EPHA3: variants seen among roughly 807,000 people sequenced by gnomAD.
EPHA3 encodes ephrin type-A receptor 3.
EPHA3 carries 42 observed loss-of-function variants against 107.1 expected under a neutral mutation model. The observed-to-expected ratio is 0.39, with a 90% confidence interval of 0.31 to 0.51. The LOEUF (loss-of-function observed/expected upper bound fraction) is 0.51, where lower values mean the gene tolerates loss of function less well. Among genes scored for constraint, EPHA3 ranks in the 20% least tolerant of loss-of-function variants. The pLI is 0.78. For synonymous variants in EPHA3, 461 were observed against 424.8 expected, an observed-to-expected ratio of 1.09 and a Z score of -1.05; for missense variants, 1,183 against 1,211.2, an observed-to-expected ratio of 0.98 and a Z score of 0.35.
intron 3 of EPHA3, among the ~76,000 whole-genome samples, chr3:89,235,185 G>A (rs1186608010): frequency 1.3e-5 from 2 of 151,830 alleles, no homozygotes; most frequent in East Asian, 3.9e-4. Flanking sequence ...ACGTCCCAAA[G>A]TGCTGGGATT....
chr3:89,116,386 C>T (rs905094550), intron 1 of EPHA3, among the ~76,000 whole-genome samples: 5 of 152,078 alleles, frequency 3.3e-5, no homozygotes, highest in Admixed American at 2.0e-4. Context: ...ACTTTAGTCT[C>T]TGTGGAAATT....
intron 15 of EPHA3, among the ~76,000 whole-genome samples, chr3:89,471,648 G>A (rs1559708289): frequency 1.3e-5 from 2 of 152,150 alleles, no homozygotes; most frequent in African/African-American, 2.4e-5. Context: ...ACAGGAGTGA[G>A]CCACTGCGCC....
chr3:89,274,934 G>C (rs1463646253), intron 3 of EPHA3, among the ~76,000 whole-genome samples: 2 of 151,950 alleles, frequency 1.3e-5, no homozygotes, highest in Non-Finnish European at 2.9e-5. Flanking sequence ...CATTTCACTA[G>C]CATGACAGAT....
intron 1 of EPHA3, among the ~76,000 whole-genome samples, chr3:89,125,020 A>G (rs1354555268): frequency 1.3e-5 from 2 of 151,908 alleles, no homozygotes; most frequent in Non-Finnish European, 3.0e-5. Flanking sequence ...ATGGTAGTTC[A>G]TTAGTTGACA....
chr3:89,438,465 G>A (rs894896584), intron 13 of EPHA3, among the ~76,000 whole-genome samples: 2 of 152,006 alleles, frequency 1.3e-5, no homozygotes, highest in African/African-American at 4.8e-5. Context: ...TAAGCAAGTG[G>A]TTAAAAGCTA....
chr3:89,401,392 G>A (rs1458988465), intron 7 of EPHA3, among the ~76,000 whole-genome samples: 4 of 152,088 alleles, frequency 2.6e-5, no homozygotes, highest in Non-Finnish European at 5.9e-5. Context: ...AATGTGTATG[G>A]AGAAATCACC....
chr3:89,383,738 T>TTG, intron 5 of EPHA3, among the ~76,000 whole-genome samples: 1 of 129,174 alleles, frequency 7.7e-6, no homozygotes, highest in Non-Finnish European at 1.6e-5. Context: ...AAGCTCCACC[T>TTG]CCCGGGTTCA....
Position 89,210,124 on chromosome 3 carries a change from TTTACAAAGA to T in EPHA3, c.421_429del (p.Thr141_Ile143del). 6.2e-7 allele frequency: 1 copy of T among 1,613,968 alleles called. No homozygotes were observed. On this transcript the variant is annotated inframe_deletion, in exon 3 of 17. Coordinates refer to ENST00000336596, the MANE Select transcript of EPHA3 (RefSeq NM_005233.6). Reference sequence around the variant, plus strand: ...TGGGGTGAAATTTCGAGAGCATCAGTTTACAAAGATTGACACCATTGCAGCTGATGAAAG... The same window carrying T: ...TGGGGTGAAATTTCGAGAGCATCAGTTTGACACCATTGCAGCTGATGAAAG...
intron 3 of EPHA3, among the ~76,000 whole-genome samples, chr3:89,272,436 C>T (rs368313727): frequency 5.3e-5 from 8 of 151,950 alleles, no homozygotes; most frequent in African/African-American, 1.9e-4. Context: ...AGCTTTAAAC[C>T]AAAGCCCTCT....
chr3:89,351,162 G>C (rs1042408592), intron 5 of EPHA3, among the ~76,000 whole-genome samples: 15 of 151,350 alleles, frequency 9.9e-5, no homozygotes, highest in African/African-American at 3.6e-4. Context: ...GAGCTTCCCC[G>C]CTGCTTTGTT....
chr3:89,459,121 A>C (rs1186912876), intron 15 of EPHA3, among the ~76,000 whole-genome samples: 1 of 152,206 alleles, frequency 6.6e-6, no homozygotes, highest in Non-Finnish European at 1.5e-5. Context: ...GGTGCAGCAA[A>C]CCACCAAGTC....
chr3:89,301,879 C>T (rs1019765857), intron 3 of EPHA3, among the ~76,000 whole-genome samples: 3 of 151,934 alleles, frequency 2.0e-5, no homozygotes, highest in African/African-American at 7.3e-5. Flanking sequence ...GAAAAAATGG[C>T]AGGGACATAG....
At chr3:89,352,533 T>A (rs1359298932) in intron 5 of EPHA3, among the ~76,000 whole-genome samples, 3 of 151,030 alleles carry the variant, frequency 2.0e-5, no homozygotes, top group Admixed American at 6.6e-5. Context: ...AAAGTAAATA[T>A]CTTTAATAAA....
intron 3 of EPHA3, among the ~76,000 whole-genome samples, chr3:89,331,324 C>T (rs1027564228): frequency 6.6e-6 from 1 of 151,986 alleles, no homozygotes; most frequent in African/African-American, 2.4e-5. Context: ...GTACAAACAA[C>T]AACAAAATTA....
intron 3 of EPHA3, among the ~76,000 whole-genome samples, chr3:89,328,698 TG>T (rs1436674560): frequency 2.7e-4 from 41 of 152,274 alleles, no homozygotes; most frequent in African/African-American, 8.9e-4. Context: ...ACTTAAATCT[TG>T]GGATAAACAG....
chr3:89,381,122 G>T (rs1287061070), intron 5 of EPHA3, among the ~76,000 whole-genome samples: 1 of 151,890 alleles, frequency 6.6e-6, no homozygotes, highest in African/African-American at 2.4e-5. Flanking sequence ...GCAGGCACCC[G>T]CCACCACGCC....
At chr3:89,289,742 TCA>T (rs1223986289) in intron 3 of EPHA3, among the ~76,000 whole-genome samples, 2 of 152,110 alleles carry the variant, frequency 1.3e-5, no homozygotes, top group Admixed American at 6.6e-5. Context: ...GAGTTGAGAC[TCA>T]CAGAGACACG....
At chr3:89,459,216 C>G (rs1165628282) in intron 15 of EPHA3, among the ~76,000 whole-genome samples, 2 of 151,824 alleles carry the variant, frequency 1.3e-5, no homozygotes, top group African/African-American at 2.4e-5. Context: ...ATAGAAGGAA[C>G]ATTGAGGTAT....
intron 5 of EPHA3, among the ~76,000 whole-genome samples, chr3:89,364,277 T>C (rs879570511): frequency 6.6e-6 from 1 of 150,948 alleles, no homozygotes; most frequent in Non-Finnish European, 1.5e-5. Context: ...AGCTCAGTGA[T>C]TTTTGAAACC....
Sources: gnomAD v4.1 joint callset for allele counts (sites outside exome capture counted in the v4.1 genomes callset) on GRCh38, gnomAD v4.1.1 for gene constraint, MANE v1.5 for transcripts, NCBI Gene and HGNC (gene_info 2026-07-23, HGNC 2026-07-21) for gene names.